TMEM131: variants seen among roughly 807,000 people sequenced by gnomAD.
The protein encoded by TMEM131 is transmembrane protein 131.
Under a neutral mutation model 211.6 loss-of-function variants are expected in TMEM131, and 66 were observed. The ratio of observed to expected loss-of-function variants is 0.31; its 90% CI spans 0.26 to 0.38. The LOEUF (loss-of-function observed/expected upper bound fraction) is 0.38, where lower values mean the gene tolerates loss of function less well. TMEM131 is among the 10% of genes least tolerant of loss of function. TMEM131 has a pLI of 1.00. For missense variants in TMEM131, 2,036 were observed against 2,299.3 expected (o/e 0.89, Z 2.34); for synonymous variants, 844 against 841.3 (o/e 1.00, Z -0.06).
chr2:97,924,438 G>A (rs1329128468), intron 2 of TMEM131, among the ~76,000 whole-genome samples: 1 of 152,156 alleles, frequency 6.6e-6, no homozygotes, highest in Non-Finnish European at 1.5e-5. Flanking sequence ...AAGTTCTGAT[G>A]TGCTCTCTGG....
chr2:97,858,645 C>T lies in TMEM131; in HGVS notation c.483+659G>A, dbSNP rs545435003. Among the ~76,000 whole-genome samples the T allele has an allele frequency of 2.6e-5, 4 of 152,180 alleles. No homozygotes were observed. The East Asian group carries it at 7.7e-4, about 29-fold the overall frequency. On this transcript the variant is annotated intron_variant, in intron 5 of 40. Transcript: ENST00000186436. ...TTCTCACTGGAGGCAGAAGAGGACACCAGAGAGGTACAAAGTGCCAGGGGA... is the reference window on the plus strand; with the variant it reads ...TTCTCACTGGAGGCAGAAGAGGACATCAGAGAGGTACAAAGTGCCAGGGGA...
chr2:97,949,909 A>G (rs1445440699), intron 1 of TMEM131, among the ~76,000 whole-genome samples: 2 of 151,842 alleles, frequency 1.3e-5, no homozygotes, highest in Non-Finnish European at 2.9e-5. Flanking sequence ...TAGCTTCTGA[A>G]GGATTCCAAA....
In TMEM131 at chr2:97,792,560, C is replaced by A. The variant is rs781179296; in HGVS notation, c.3970G>T (p.Ala1324Ser). Residue 1324 changes from alanine to serine, a missense_variant, in exon 31 of 41, where the codon GCC becomes TCC. Ala to Ser is a moderately conservative substitution (Grantham distance 99). Transcript: ENST00000186436. ...GGGTGGGAAGGGTGTGCGAGGGGGG[C>A]GGGAGACAGCCTTTCAGGCTGCGGC... ...QEPQPERLSPAPLAHPSHPER... is the reference protein window; with the variant it reads ...QEPQPERLSPSPLAHPSHPER... The A allele has an allele frequency of 6.2e-7, 1 of 1,612,918 alleles. No homozygotes were observed. The highest frequency in any genetic ancestry group is 8.5e-7 in the Non-Finnish European group (1 of 1,179,492).
At chr2:97,776,202 C>T (rs540987459) in intron 31 of TMEM131, among the ~76,000 whole-genome samples, 184 bp from the exon 32 acceptor site, 9 of 152,100 alleles carry the variant, frequency 5.9e-5, no homozygotes, top group East Asian at 5.8e-4. Context: ...TACAGGCGCC[C>T]GCCACCATGC....
intron 30 of TMEM131, 159 bp from the exon 31 acceptor site, chr2:97,793,143 T>C: frequency 1.5e-6 from 1 of 653,446 alleles, no homozygotes. Flanking sequence ...CTAACATCTG[T>C]TCTATCTGAA....
At chr2:97,890,955 A>C (rs1173810170) in intron 3 of TMEM131, among the ~76,000 whole-genome samples, 3 of 152,232 alleles carry the variant, frequency 2.0e-5, no homozygotes, top group Non-Finnish European at 4.4e-5. Flanking sequence ...AAATAAAAGC[A>C]TATTTTCAAA....
chr2:97,981,377 A>G (rs1679790178), intron 1 of TMEM131, among the ~76,000 whole-genome samples: 1 of 152,218 alleles, frequency 6.6e-6, no homozygotes. Flanking sequence ...ACCGTAACAT[A>G]TATGTAATTT....
chr2:97,831,012 C>T (rs1682656400), intron 11 of TMEM131, among the ~76,000 whole-genome samples: 1 of 152,198 alleles, frequency 6.6e-6, no homozygotes, highest in East Asian at 1.9e-4. Context: ...AATGCTGAAA[C>T]ACACAGGGAA....
In TMEM131 at chr2:97,834,610, G is replaced by T. The variant is rs1682855060; in HGVS notation, c.1012+11C>A. 3 of 1,509,144 alleles carry T rather than the reference G, an allele frequency of 2.0e-6. No homozygotes were observed. Among genetic ancestry groups the T allele is most frequent in the East Asian group, 2.4e-5 (1 of 41,396 alleles). 93.5% of individuals were successfully genotyped at this position (1,509,144 alleles called of 1,614,324 possible). A position where few individuals can be genotyped will look rare whatever the true frequency, so the allele number is the denominator to read the frequency against. On this transcript the variant is annotated intron_variant, in intron 10 of 40. Transcript: ENST00000186436. ...AAACTCCATAAAGACTCTTTTAAAA[G>T]ATTTTTTTACCTTGTGTTCTTAGTG...
chr2:97,944,427 C>T (rs1015190618), intron 1 of TMEM131, among the ~76,000 whole-genome samples: 2 of 152,130 alleles, frequency 1.3e-5, no homozygotes, highest in Non-Finnish European at 2.9e-5. Flanking sequence ...GCAATGGTTT[C>T]TTAACTAGAA....
chr2:97,945,692 A>C (rs1383385647), intron 1 of TMEM131, among the ~76,000 whole-genome samples: 1 of 152,154 alleles, frequency 6.6e-6, no homozygotes, highest in Non-Finnish European at 1.5e-5. Context: ...AAATGGGTCA[A>C]ACTGTCAACA....
chr2:97,939,593 G>A (rs1319131501), intron 1 of TMEM131, among the ~76,000 whole-genome samples: 3 of 152,152 alleles, frequency 2.0e-5, no homozygotes, highest in Non-Finnish European at 2.9e-5. Context: ...TTCTACCAGA[G>A]GTATAAAGAG....
At chr2:97,804,811 C>T (rs915810340) in intron 22 of TMEM131, among the ~76,000 whole-genome samples, 2 of 152,050 alleles carry the variant, frequency 1.3e-5, no homozygotes, top group Admixed American at 6.6e-5. Context: ...TGAATACTGT[C>T]GTCATCCTAC....
At chr2:97,761,853 G>A (rs3816337) in intron 36 of TMEM131, 182 bp downstream of exon 36, 2 of 604,604 alleles carry the variant, frequency 3.3e-6, no homozygotes, top group East Asian at 3.1e-5. Context: ...TACTGTTGGA[G>A]CTGGGCACAG....
chr2:97,990,133 A>G (rs955239348), intron 1 of TMEM131, among the ~76,000 whole-genome samples: 2 of 152,230 alleles, frequency 1.3e-5, no homozygotes, highest in African/African-American at 4.8e-5. Context: ...AACCTTAGCA[A>G]TACAACCAGG....
chr2:97,828,771 C>T (rs1373272624), intron 11 of TMEM131, among the ~76,000 whole-genome samples: 1 of 152,202 alleles, frequency 6.6e-6, no homozygotes, highest in African/African-American at 2.4e-5. Context: ...TGAAATCAGA[C>T]AACGCCTTTC....
intron 1 of TMEM131, among the ~76,000 whole-genome samples, chr2:97,983,285 G>A (rs1192874003): frequency 6.6e-6 from 1 of 152,188 alleles, no homozygotes; most frequent in African/African-American, 2.4e-5. Context: ...AGTAGTAGCA[G>A]TGACAGTCAG....
intron 33 of TMEM131, among the ~76,000 whole-genome samples, chr2:97,769,055 GAGTCTCTAACTCCTGGGCTCTATGC>G (rs1448697209): frequency 1.3e-5 from 2 of 149,746 alleles, no homozygotes; most frequent in African/African-American, 4.9e-5. Flanking sequence ...CTCAACTCCT[GAGTCTCTAACTCCTGGGCTCTATGC>G]AGTCTCTAAC....
At chr2:97,960,234 TCCTG>T (rs1012877646) in intron 1 of TMEM131, among the ~76,000 whole-genome samples, 1 of 152,228 alleles carries the variant, frequency 6.6e-6, no homozygotes, top group African/African-American at 2.4e-5. Flanking sequence ...CATTGACAAT[TCCTG>T]CCTGAGTCAA....
Sources: allele counts gnomAD v4.1 joint callset (sites outside exome capture counted in the v4.1 genomes callset), GRCh38; gene constraint gnomAD v4.1.1; transcripts MANE v1.5; gene names NCBI Gene and HGNC (gene_info 2026-07-23, HGNC 2026-07-21).